CLIC5: variants seen among roughly 807,000 people sequenced by gnomAD.
CLIC5 encodes the protein CLIC family member 5.
Under a neutral mutation model 24.7 loss-of-function variants are expected in CLIC5, and 20 were observed. That is an observed-to-expected ratio of 0.81 (90% confidence interval 0.57 to 1.18). CLIC5 has a LOEUF of 1.18. CLIC5 is among the 50% of genes most tolerant of loss of function. CLIC5 has a pLI of 0.00. For synonymous variants in CLIC5, 159 were observed against 135.6 expected, an observed-to-expected ratio of 1.17 and a Z score of -1.20; for missense variants, 341 against 326.1, an observed-to-expected ratio of 1.05 and a Z score of -0.35.
intron 6 of CLIC5, among the ~76,000 whole-genome samples, chr6:45,890,606 T>C (rs1241532384): frequency 6.6e-6 from 1 of 152,206 alleles, no homozygotes; most frequent in Non-Finnish European, 1.5e-5. Flanking sequence ...AAGAGATGTC[T>C]GCACTCCCAT....
intron 4 of CLIC5, among the ~76,000 whole-genome samples, chr6:45,921,957 G>C (rs369776260): frequency 1.3e-5 from 2 of 152,162 alleles, no homozygotes; most frequent in Non-Finnish European, 2.9e-5. Context: ...GGGCTCACAT[G>C]GGGGAGGCAA....
chr6:46,114,313 T>C, the CLIC5 span, among the ~76,000 whole-genome samples: 1 of 152,216 alleles, frequency 6.6e-6, no homozygotes, highest in Non-Finnish European at 1.5e-5. Flanking sequence ...TGTCAGTTGA[T>C]GTGCATGCGC....
At chr6:46,053,532 T>A (rs940299947) in intron 1 of CLIC5, among the ~76,000 whole-genome samples, 1 of 152,162 alleles carries the variant, frequency 6.6e-6, no homozygotes, top group African/African-American at 2.4e-5. Context: ...TGCTAGATGA[T>A]CTCTGAAGTT....
At chr6:46,121,222 C>A in the CLIC5 span, among the ~76,000 whole-genome samples, 1 of 152,226 alleles carries the variant, frequency 6.6e-6, no homozygotes, top group Non-Finnish European at 1.5e-5. Context: ...ATCAGACTAA[C>A]AGCTAATCTC....
At chr6:46,043,029 T>A (rs1767852343) in intron 1 of CLIC5, among the ~76,000 whole-genome samples, 1 of 152,188 alleles carries the variant, frequency 6.6e-6, no homozygotes, top group Admixed American at 6.5e-5. Flanking sequence ...AACAGAGATA[T>A]ATTTCAGAAG....
rs1762495881 is a variant in CLIC5, at chr6:45,900,971, T to C, written c.*2117A>G. On this transcript the variant is annotated 3_prime_UTR_variant, in exon 6 of 6. Coordinates refer to ENST00000339561, the MANE Select transcript of CLIC5 (RefSeq NM_016929.5). Reference sequence around the variant, plus strand: ...CTTGGTTCTGTTTTCTCTGTGGCAATTGGCTATGATTCACAGATGTGTTTC... The same window carrying C: ...CTTGGTTCTGTTTTCTCTGTGGCAACTGGCTATGATTCACAGATGTGTTTC... 1 of 152,184 alleles carries C rather than the reference T, an allele frequency of 6.6e-6. No individual in the cohort carries two copies. Among genetic ancestry groups the C allele is most frequent in the Non-Finnish European group, 1.5e-5 (1 of 68,040 alleles). 9.4% of individuals were successfully genotyped at this position (152,184 alleles called of 1,614,324 possible).
intron 6 of CLIC5, among the ~76,000 whole-genome samples, chr6:45,883,399 A>G (rs949287371): frequency 1.1e-4 from 16 of 152,186 alleles, no homozygotes; most frequent in African/African-American, 3.9e-4. Flanking sequence ...GTCTTTTCCA[A>G]CTCTAACATT....
At position 45,969,535 on chromosome 6, in the gene CLIC5, G is replaced by A. The variant is rs979277195; in HGVS notation, c.64-14291C>T. 5.1e-5 allele frequency among the ~76,000 whole-genome samples: 7 copies of A among 136,250 alleles called. 1 individual carries two copies. 89.4% of individuals were successfully genotyped at this position (136,250 alleles called of 152,430 possible). A position where few individuals can be genotyped will look rare whatever the true frequency, so the allele number is the denominator to read the frequency against. On this transcript the variant is annotated intron_variant, in intron 1 of 5. Coordinates refer to ENST00000339561, the MANE Select transcript of CLIC5 (RefSeq NM_016929.5). ...CAGATGACTTTTCCAAGGCCACATAGACGATCGGTAGGGATGGAGTTTGCT... is the reference window on the plus strand; with the variant it reads ...CAGATGACTTTTCCAAGGCCACATAAACGATCGGTAGGGATGGAGTTTGCT...
the CLIC5 span, among the ~76,000 whole-genome samples, chr6:46,115,524 TAAAG>T: frequency 1.3e-5 from 2 of 152,192 alleles, no homozygotes; most frequent in East Asian, 1.9e-4. Context: ...GGTTTTACTA[TAAAG>T]AGTTACACTA....
chr6:45,881,998 T>C (rs1762267063), intron 6 of CLIC5, among the ~76,000 whole-genome samples: 1 of 149,224 alleles, frequency 6.7e-6, no homozygotes, highest in South Asian at 2.1e-4. Context: ...AAAAAAGTGA[T>C]GTGAATCAAC....
downstream of CLIC5, among the ~76,000 whole-genome samples, chr6:45,894,960 C>T (rs1234898427): frequency 1.3e-5 from 2 of 151,808 alleles, no homozygotes; most frequent in African/African-American, 4.8e-5. Context: ...TATATTTGGC[C>T]CCAGAATTGT....
chr6:45,948,162 A>G (rs568792463), intron 3 of CLIC5, among the ~76,000 whole-genome samples: 1 of 152,240 alleles, frequency 6.6e-6, no homozygotes, highest in East Asian at 1.9e-4. Flanking sequence ...TGCCTGACAC[A>G]AAATGAAGGC....
At chr6:46,066,540 G>GC (rs1201826707) in intron 1 of CLIC5, among the ~76,000 whole-genome samples, 3 of 151,688 alleles carry the variant, frequency 2.0e-5, no homozygotes, top group East Asian at 1.9e-4. Context: ...ACTATCCCCC[G>GC]CCCCCCATAA....
At chr6:45,938,747 T>C (rs1561948685) in intron 4 of CLIC5, among the ~76,000 whole-genome samples, 1 of 152,216 alleles carries the variant, frequency 6.6e-6, no homozygotes. Flanking sequence ...ACACCATTTA[T>C]AATTTTAAAA....
At chr6:46,023,834 C>T (rs2127451577) in intron 1 of CLIC5, among the ~76,000 whole-genome samples, 2 of 151,428 alleles carry the variant, frequency 1.3e-5, no homozygotes, top group Admixed American at 1.3e-4. Flanking sequence ...AACTATTATA[C>T]AAATACTTTT....
At position 46,045,726 on chromosome 6, in the gene CLIC5, T is replaced by C. The variant is rs554641971; in HGVS notation, c.540+33977A>G. On this transcript the variant is annotated intron_variant, in intron 1 of 5. Transcript: ENST00000185206. Reference sequence around the variant, plus strand: ...ATCTTTAAACAACTATACCTACTTTTTAAATTTAGTAAATTATTACAAATT... The same window carrying C: ...ATCTTTAAACAACTATACCTACTTTCTAAATTTAGTAAATTATTACAAATT... 9.6e-4 allele frequency among the ~76,000 whole-genome samples: 147 copies of C among 152,338 alleles called. 2 individuals are homozygous for C. Among genetic ancestry groups the C allele is most frequent in the Admixed American group, 8.5e-3 (130 of 15,302 alleles).
intron 1 of CLIC5, among the ~76,000 whole-genome samples, chr6:45,972,235 A>C (rs1157952225): frequency 6.6e-6 from 1 of 152,230 alleles, no homozygotes; most frequent in Non-Finnish European, 1.5e-5. Flanking sequence ...TAAAAAACAA[A>C]GATAACTTGA....
intron 6 of CLIC5, among the ~76,000 whole-genome samples, chr6:45,882,305 C>G (rs966433091): frequency 6.6e-6 from 1 of 152,218 alleles, no homozygotes; most frequent in African/African-American, 2.4e-5. Context: ...TCCTTCAATC[C>G]AAAACAAACA....
At chr6:46,074,984 T>C (rs1762727165) in intron 1 of CLIC5, among the ~76,000 whole-genome samples, 1 of 152,256 alleles carries the variant, frequency 6.6e-6, no homozygotes, top group African/African-American at 2.4e-5. Flanking sequence ...ATTTACTGAA[T>C]GCTTGCTGCA....
Sources: gnomAD v4.1 joint callset for allele counts (sites outside exome capture counted in the v4.1 genomes callset) on GRCh38, gnomAD v4.1.1 for gene constraint, MANE v1.5 for transcripts, NCBI Gene and HGNC (gene_info 2026-07-23, HGNC 2026-07-21) for gene names.